KAZN: variants seen among roughly 807,000 people sequenced by gnomAD.
The protein encoded by KAZN is kazrin.
KAZN carries 40 observed loss-of-function variants against 87.4 expected under a neutral mutation model. That is an observed-to-expected ratio of 0.46 (90% CI 0.36 to 0.60). The LOEUF is 0.60. Among genes scored for constraint, KAZN ranks in the 20% least tolerant of loss-of-function variants. KAZN has a pLI of 0.00. For missense variants in KAZN, 898 were observed against 1,073.9 expected, an observed-to-expected ratio of 0.84 and a Z score of 2.29; for synonymous variants, 466 against 458.3, an observed-to-expected ratio of 1.02 and a Z score of -0.22.
intron 4 of KAZN, among the ~76,000 whole-genome samples, chr1:15,045,524 G>A (rs1673383775): frequency 6.6e-6 from 1 of 152,236 alleles, no homozygotes; most frequent in Non-Finnish European, 1.5e-5. Flanking sequence ...GTAGCCCACT[G>A]TTAACCAGAA....
intron 1 of KAZN, among the ~76,000 whole-genome samples, chr1:14,807,048 C>A (rs1018558249): frequency 3.3e-5 from 5 of 152,192 alleles, no homozygotes; most frequent in African/African-American, 7.2e-5. Context: ...CTTCTGCTGG[C>A]CAGCATGTTG....
intron 1 of KAZN, among the ~76,000 whole-genome samples, chr1:14,707,406 T>C (rs1642266030): frequency 6.6e-6 from 1 of 152,230 alleles, no homozygotes; most frequent in Non-Finnish European, 1.5e-5. Context: ...TCTTCTCAAG[T>C]GTGGGAAACC....
At chr1:14,160,637 G>C (rs1157854653) in intron 1 of KAZN, among the ~76,000 whole-genome samples, 1 of 152,168 alleles carries the variant, frequency 6.6e-6, no homozygotes, top group Non-Finnish European at 1.5e-5. Flanking sequence ...GTGTCCTTAT[G>C]GTGGGGCAAG....
rs76748271 is a variant in KAZN, at chr1:14,742,204, C to T, written c.226+142981C>T. On this transcript the variant is annotated intron_variant, in intron 1 of 14. Transcript: ENST00000376030. ...CAGGAAAGCAGTGACCTTGTCCGTCCTGTTCACTGCCTGTTCCCAGCATCT... is the reference window on the plus strand; with the variant it reads ...CAGGAAAGCAGTGACCTTGTCCGTCTTGTTCACTGCCTGTTCCCAGCATCT... Among the ~76,000 whole-genome samples the T allele has an allele frequency of 2.9e-3, 444 of 152,290 alleles. 3 individuals carry two copies. Among genetic ancestry groups the T allele is most frequent in the African/African-American group, 0.01 (426 of 41,570 alleles).
At chr1:14,000,004 T>C (rs879079722) in intron 1 of KAZN, among the ~76,000 whole-genome samples, 3 of 152,110 alleles carry the variant, frequency 2.0e-5, no homozygotes, top group Non-Finnish European at 4.4e-5. Context: ...CAGGAAGAGG[T>C]TGAATCCTTG....
rs55745144 is a variant in KAZN, at chr1:14,728,289, TAAAAAA to T, written c.226+129086_226+129091del. On this transcript the variant is annotated intron_variant, in intron 1 of 14. Coordinates refer to ENST00000376030, the MANE Select transcript of KAZN (RefSeq NM_201628.3). ...CAGCAAGAGTGAAACACCGTATATA[TAAAAAA>T]AAAAAAAAAAAAAAAAAAAGAATCT... Among the ~76,000 whole-genome samples, 33 of 29,846 alleles carry T rather than the reference TAAAAAA, an allele frequency of 1.1e-3. 1 individual carries two copies. Among genetic ancestry groups the T allele is most frequent in the African/African-American group, 4.2e-3 (32 of 7,572 alleles). 19.6% of individuals were successfully genotyped at this position (29,846 alleles called of 152,430 possible).
At chr1:14,241,603 G>C (rs1283918720) in intron 2 of KAZN, among the ~76,000 whole-genome samples, 3 of 152,192 alleles carry the variant, frequency 2.0e-5, no homozygotes, top group Non-Finnish European at 4.4e-5. Context: ...CCACGGTGCT[G>C]TTCCCTACCC....
chr1:14,966,806 G>A (rs995699524), intron 2 of KAZN, among the ~76,000 whole-genome samples: 1 of 151,900 alleles, frequency 6.6e-6, no homozygotes, highest in Non-Finnish European at 1.5e-5. Context: ...CGAGTAGCTG[G>A]GACTACAGGC....
At chr1:14,890,810 T>C (rs1654624017) in intron 1 of KAZN, among the ~76,000 whole-genome samples, 1 of 149,266 alleles carries the variant, frequency 6.7e-6, no homozygotes, top group African/African-American at 2.5e-5. Flanking sequence ...ATTACAGGTA[T>C]GAGCCACTGT....
At chr1:14,326,561 C>A (rs996748937) in intron 2 of KAZN, among the ~76,000 whole-genome samples, 4 of 152,148 alleles carry the variant, frequency 2.6e-5, no homozygotes, top group African/African-American at 9.7e-5. Flanking sequence ...CAAAGCCCTC[C>A]AATGGTTCCC....
At chr1:14,497,069 G>A (rs1669981223) in intron 2 of KAZN, among the ~76,000 whole-genome samples, 1 of 151,944 alleles carries the variant, frequency 6.6e-6, no homozygotes, top group Non-Finnish European at 1.5e-5. Flanking sequence ...CAATCTACTG[G>A]TATTGAATAT....
chr1:14,577,677 A>G (rs1365979027), intron 2 of KAZN, among the ~76,000 whole-genome samples: 1 of 152,130 alleles, frequency 6.6e-6, no homozygotes, highest in East Asian at 1.9e-4. Flanking sequence ...ATGTGAGCCC[A>G]CTCACTGAGT....
intron 1 of KAZN, among the ~76,000 whole-genome samples, chr1:14,743,453 A>G (rs375707857): frequency 2.0e-4 from 30 of 152,124 alleles, no homozygotes; most frequent in African/African-American, 7.2e-4. Flanking sequence ...AGTACATACA[A>G]TGCAGATATT....
rs568366454 is a variant in KAZN, at chr1:15,073,361, C to T, written c.1222+7608C>T. ...ACAAGCTGCCTGGTGTGGGCTCAGTCGCAGGAGGTCACATGGGGCAGAGAC... is the reference window on the plus strand; with the variant it reads ...ACAAGCTGCCTGGTGTGGGCTCAGTTGCAGGAGGTCACATGGGGCAGAGAC... On this transcript the variant is annotated intron_variant, in intron 8 of 14. Coordinates refer to ENST00000376030, the MANE Select transcript of KAZN (RefSeq NM_201628.3). Among the ~76,000 whole-genome samples the T allele has an allele frequency of 2.0e-4, 31 of 152,286 alleles. 1 individual carries two copies. Among genetic ancestry groups the T allele is most frequent in the Admixed American group, 1.2e-3 (19 of 15,296 alleles).
At chr1:14,566,375 A>T (rs1053684323) in intron 2 of KAZN, among the ~76,000 whole-genome samples, 6 of 152,224 alleles carry the variant, frequency 3.9e-5, no homozygotes, top group Admixed American at 3.3e-4. Flanking sequence ...ATATGCTGTC[A>T]TTCAGGCTTT....
intron 1 of KAZN, among the ~76,000 whole-genome samples, chr1:14,701,312 G>A (rs1014929359): frequency 6.6e-6 from 1 of 152,164 alleles, no homozygotes; most frequent in Non-Finnish European, 1.5e-5. Flanking sequence ...ATTATTCTTA[G>A]TAGAGATTAG....
intron 2 of KAZN, among the ~76,000 whole-genome samples, chr1:14,386,015 T>G (rs1457407467): frequency 6.6e-6 from 1 of 152,020 alleles, no homozygotes; most frequent in African/African-American, 2.4e-5. Context: ...GGTACATATA[T>G]TTTTAGGATA....
intron 2 of KAZN, among the ~76,000 whole-genome samples, chr1:15,009,495 G>C (rs1043397030): frequency 1.6e-4 from 24 of 152,194 alleles, no homozygotes; most frequent in African/African-American, 5.8e-4. Flanking sequence ...CTGGGGAAAC[G>C]TGCTTCCACA....
At position 15,065,494 on chromosome 1, in the gene KAZN, C is replaced by T. The variant is rs541067147; in HGVS notation, c.1099-136C>T. On this transcript the variant is annotated intron_variant, in intron 7 of 14. Coordinates refer to ENST00000376030, the MANE Select transcript of KAZN (RefSeq NM_201628.3). ...AGGTGGCTTCTCAGCCATCCCAGCC[C>T]GTCCCTGACCCCACTGGCTTAAAGC... is the stretch of plus-strand genomic sequence containing the variant. 1.5e-4 allele frequency: 111 copies of T among 755,168 alleles called. No homozygotes were observed. The East Asian group carries it at 2.3e-3, about 15-fold the overall frequency. 46.8% of individuals were successfully genotyped at this position (755,168 alleles called of 1,614,324 possible). A position where few individuals can be genotyped will look rare whatever the true frequency, so the allele number is the denominator to read the frequency against.
Sources: allele counts gnomAD v4.1 joint callset (sites outside exome capture counted in the v4.1 genomes callset), GRCh38; gene constraint gnomAD v4.1.1; transcripts MANE v1.5; gene names NCBI Gene and HGNC (gene_info 2026-07-23, HGNC 2026-07-21).